MGLL: variants seen among roughly 807,000 people sequenced by gnomAD.
MGLL encodes monoglyceride lipase, also known as lysophospholipase homolog.
A neutral mutation model predicts 29.1 loss-of-function variants in MGLL; 7 were observed. That is an observed-to-expected ratio of 0.24 (90% confidence interval 0.14 to 0.45). The LOEUF is 0.45. MGLL is among the 20% of genes least tolerant of loss of function. The probability of loss-of-function intolerance (pLI) is 0.99; values close to 1 mark genes in which losing one functional copy is unlikely to be tolerated. For synonymous variants in MGLL, 148 were observed against 168.3 expected (o/e 0.88, Z 0.93); for missense variants, 356 against 413.6 (o/e 0.86, Z 1.21).
At chr3:127,716,236 C>T (rs2075813112) in intron 5 of MGLL, among the ~76,000 whole-genome samples, 3 of 152,256 alleles carry the variant, frequency 2.0e-5, no homozygotes, top group South Asian at 4.1e-4. Context: ...TGGATTTGAA[C>T]TTTGATTCTG....
intron 6 of MGLL, among the ~76,000 whole-genome samples, chr3:127,708,005 C>A (rs984666618): frequency 6.6e-6 from 1 of 152,214 alleles, no homozygotes; most frequent in African/African-American, 2.4e-5. Context: ...GAGTCCCAGG[C>A]CCCTGCACCC....
intron 7 of MGLL, among the ~76,000 whole-genome samples, chr3:127,693,369 G>C (rs775555315): frequency 6.6e-6 from 1 of 152,154 alleles, no homozygotes; most frequent in African/African-American, 2.4e-5. Context: ...ATCACAGCAC[G>C]TCACTCCTTG....
intron 3 of MGLL, among the ~76,000 whole-genome samples, chr3:127,735,151 T>C (rs1024182467): frequency 6.6e-6 from 1 of 152,230 alleles, no homozygotes; most frequent in African/African-American, 2.4e-5. Flanking sequence ...AGAATTGCCT[T>C]AGTCCCCATT....
chr3:127,802,613 G>A (rs986243648), intron 2 of MGLL, among the ~76,000 whole-genome samples: 1 of 152,208 alleles, frequency 6.6e-6, no homozygotes, highest in Non-Finnish European at 1.5e-5. Flanking sequence ...AGCTCCAGGA[G>A]TGATTTATTT....
At chr3:127,727,704 TAAAAAAA>T (rs1177079179) in intron 3 of MGLL, among the ~76,000 whole-genome samples, 1 of 80,712 alleles carries the variant, frequency 1.2e-5, no homozygotes, top group Admixed American at 1.6e-4. Context: ...AGAGCAAGGC[TAAAAAAA>T]AAAAAAAAAA....
intron 3 of MGLL, among the ~76,000 whole-genome samples, chr3:127,724,811 G>A (rs888294112): frequency 2.0e-4 from 30 of 152,226 alleles, no homozygotes; most frequent in South Asian, 6.2e-4. Flanking sequence ...CATCTCTTCC[G>A]TATGTTTCTA....
intron 2 of MGLL, among the ~76,000 whole-genome samples, chr3:127,793,154 T>C (rs2077329254): frequency 6.6e-6 from 1 of 152,058 alleles, no homozygotes; most frequent in African/African-American, 2.4e-5. Context: ...AATAAAGCAA[T>C]CGGAGTCGAC....
At chr3:127,818,085 C>T (rs561031504) in intron 2 of MGLL, among the ~76,000 whole-genome samples, 7 of 152,318 alleles carry the variant, frequency 4.6e-5, no homozygotes, top group Non-Finnish European at 7.4e-5. Flanking sequence ...CTCAGCCTCC[C>T]GAGTAGCGGG....
At chr3:127,768,752 G>C (rs2076899031) in intron 3 of MGLL, among the ~76,000 whole-genome samples, 1 of 152,088 alleles carries the variant, frequency 6.6e-6, no homozygotes, top group Non-Finnish European at 1.5e-5. Flanking sequence ...CCAAGCCCCA[G>C]TGCTCACCTC....
rs1366013448 is a variant in MGLL at position 127,707,638 on chromosome 3, A to G, written c.600+2938T>C. ...CCCTTTCTGGGCCCACACTTCTACA[A>G]CTACAAATGCTGGTAATAAGACTGA... On this transcript the variant is annotated intron_variant, in intron 6 of 7. Coordinates refer to ENST00000265052, the MANE Select transcript of MGLL (RefSeq NM_007283.7). Among the ~76,000 whole-genome samples, 3 of 152,222 alleles carry G rather than the reference A, an allele frequency of 2.0e-5. No homozygotes were observed. The South Asian group carries it at 6.2e-4, about 32-fold the overall frequency.
intron 3 of MGLL, among the ~76,000 whole-genome samples, chr3:127,740,621 C>T (rs2076322934): frequency 6.6e-6 from 1 of 152,102 alleles, no homozygotes; most frequent in Non-Finnish European, 1.5e-5. Flanking sequence ...GGGGTACACC[C>T]CAAGGGAAGT....
intron 3 of MGLL, among the ~76,000 whole-genome samples, chr3:127,747,267 C>A (rs2076465573): frequency 6.6e-6 from 1 of 152,162 alleles, no homozygotes; most frequent in Non-Finnish European, 1.5e-5. Context: ...TCCTGCACAT[C>A]CTGGGCCTTG....
At position 127,781,911 on chromosome 3, in the gene MGLL, G is replaced by A. The variant is rs553045142; in HGVS notation, c.156-16C>T. On this transcript the variant is annotated splice_polypyrimidine_tract_variant and intron_variant, in intron 2 of 7. Transcript: ENST00000265052. ...GATGAGGGCCCTGCAGAGACAAGAA[G>A]GGAGCCTGGTTAGGAAAGCCCACAC... 6 of 1,613,258 alleles carry A rather than the reference G, an allele frequency of 3.7e-6. No homozygotes were observed. The African/African-American group carries it at 5.3e-5, about 14-fold the overall frequency.
chr3:127,785,504 G>A (rs1279185629), intron 2 of MGLL, among the ~76,000 whole-genome samples: 1 of 152,224 alleles, frequency 6.6e-6, no homozygotes, highest in African/African-American at 2.4e-5. Context: ...ACATGACTGA[G>A]CACTGAGAAA....
At chr3:127,735,835 G>A in intron 3 of MGLL, 1 of 1,598,010 alleles carries the variant, frequency 6.3e-7, no homozygotes, top group Non-Finnish European at 8.5e-7. Flanking sequence ...TCCAGGGGAA[G>A]ATCCTTCTGA....
At chr3:127,732,244 G>C (rs1396990928) in intron 3 of MGLL, among the ~76,000 whole-genome samples, 2 of 152,250 alleles carry the variant, frequency 1.3e-5, no homozygotes, top group Non-Finnish European at 2.9e-5. Flanking sequence ...ATTTGTGTGA[G>C]AGTTCATAAC....
intron 3 of MGLL, among the ~76,000 whole-genome samples, chr3:127,773,742 G>A (rs369198147): frequency 2.0e-4 from 30 of 152,286 alleles, no homozygotes; most frequent in African/African-American, 6.0e-4. Context: ...GGGAGATGTC[G>A]TTACAAGGAG....
chr3:127,800,734 A>G (rs932423285), intron 2 of MGLL, among the ~76,000 whole-genome samples: 4 of 152,186 alleles, frequency 2.6e-5, no homozygotes, highest in Non-Finnish European at 2.9e-5. Context: ...TTCATGCAAA[A>G]GCCCTAGCAA....
Position 127,692,124 on chromosome 3 carries a change from A to AAAAAT in MGLL, c.*73_*74insATTTT. The AAAAAT allele has an allele frequency of 1.1e-6, 1 of 891,526 alleles. No homozygotes were observed. The highest frequency in any genetic ancestry group is 1.6e-6 in the Non-Finnish European group (1 of 608,032). 55.2% of individuals were successfully genotyped at this position (891,526 alleles called of 1,614,324 possible). ...TTTTTTTTTTTTTTTTTGGCAAGCC[A>AAAAAT]TATCTGAGAAGCCATCTCTGCCCTT... On this transcript the variant is annotated 3_prime_UTR_variant, in exon 8 of 8. Coordinates refer to ENST00000265052, the MANE Select transcript of MGLL (RefSeq NM_007283.7).
Sources: gnomAD v4.1 joint callset for allele counts (sites outside exome capture counted in the v4.1 genomes callset) on GRCh38, gnomAD v4.1.1 for gene constraint, MANE v1.5 for transcripts, NCBI Gene and HGNC (gene_info 2026-07-23, HGNC 2026-07-21) for gene names.